Variants in C10orf90 observed in about 807,000 individuals in gnomAD.
C10orf90 encodes (E2-independent) E3 ubiquitin-conjugating enzyme FATS.
A neutral mutation model predicts 62.5 loss-of-function variants in C10orf90; 56 were observed. That is an observed-to-expected ratio of 0.90 (90% CI 0.72 to 1.12). The LOEUF (loss-of-function observed/expected upper bound fraction) is 1.12. Among genes scored for constraint, C10orf90 ranks in the 50% most tolerant of loss-of-function variants. The probability of loss-of-function intolerance (pLI) is 0.00; values close to 1 mark genes in which losing one functional copy is unlikely to be tolerated. For synonymous variants in C10orf90, 386 were observed against 340.4 expected (o/e 1.13, Z -1.47); for missense variants, 970 against 880.4 (o/e 1.10, Z -1.29).
At chr10:126,551,111 T>C (rs1257924250) in intron 2 of C10orf90, among the ~76,000 whole-genome samples, 2 of 152,244 alleles carry the variant, frequency 1.3e-5, no homozygotes, top group East Asian at 3.8e-4. Context: ...GTCCTGGATT[T>C]AAGTCCTTGG....
At chr10:126,440,620 A>G (rs1338620146) in intron 7 of C10orf90, among the ~76,000 whole-genome samples, 1 of 152,086 alleles carries the variant, frequency 6.6e-6, no homozygotes, top group Non-Finnish European at 1.5e-5. Flanking sequence ...AAAGCTAAGA[A>G]CGCTCACAGA....
intron 4 of C10orf90, among the ~76,000 whole-genome samples, chr10:126,470,692 G>T (rs1161076517): frequency 1.3e-5 from 2 of 151,802 alleles, no homozygotes; most frequent in African/African-American, 2.4e-5. Context: ...CGAGGCTGCA[G>T]TGAGCCATGA....
At chr10:126,572,930 G>T (rs1201105972) in intron 2 of C10orf90, among the ~76,000 whole-genome samples, 2 of 152,078 alleles carry the variant, frequency 1.3e-5, no homozygotes, top group Non-Finnish European at 2.9e-5. Flanking sequence ...ATATCATCAA[G>T]AAATAACCAT....
At chr10:126,512,303 G>C (rs889449170) in intron 3 of C10orf90, among the ~76,000 whole-genome samples, 1 of 150,550 alleles carries the variant, frequency 6.6e-6, no homozygotes, top group Non-Finnish European at 1.5e-5. Flanking sequence ...GTGTGTGTGT[G>C]TGTGTCTGTG....
At chr10:126,607,503 A>G (rs1292675665) in intron 2 of C10orf90, among the ~76,000 whole-genome samples, 1 of 152,238 alleles carries the variant, frequency 6.6e-6, no homozygotes, top group Non-Finnish European at 1.5e-5. Context: ...ACAACTGATA[A>G]TATGGGTTAT....
chr10:126,470,000 G>T (rs1298420817), intron 4 of C10orf90: 3 of 456,644 alleles, frequency 6.6e-6, no homozygotes, highest in East Asian at 6.9e-5. Context: ...TCTGCATGTT[G>T]TGTCCTGCAG....
intron 7 of C10orf90, among the ~76,000 whole-genome samples, chr10:126,452,161 ACAT>A (rs760901795): frequency 2.0e-5 from 3 of 152,202 alleles, no homozygotes; most frequent in African/African-American, 7.2e-5. Flanking sequence ...ATATATCAAA[ACAT>A]CATGTCATTC....
At chr10:126,615,770 G>C (rs1845528956) in intron 2 of C10orf90, among the ~76,000 whole-genome samples, 2 of 152,152 alleles carry the variant, frequency 1.3e-5, no homozygotes, top group Non-Finnish European at 2.9e-5. Context: ...ATAAGAGATG[G>C]GGAAAGGCAT....
At chr10:126,432,216 C>T (rs143835061) in intron 7 of C10orf90, among the ~76,000 whole-genome samples, 150 of 152,292 alleles carry the variant, frequency 9.8e-4, no homozygotes, top group African/African-American at 3.4e-3. Flanking sequence ...GTGAGAGGAA[C>T]ACAACTCACT....
chr10:126,479,107 G>A (rs562115969), intron 4 of C10orf90, among the ~76,000 whole-genome samples: 8 of 152,182 alleles, frequency 5.3e-5, no homozygotes, highest in African/African-American at 1.9e-4. Flanking sequence ...TGTACCGCAG[G>A]GTGTGAGGAG....
chr10:126,588,891 G>T (rs1294483044), intron 2 of C10orf90, among the ~76,000 whole-genome samples: 2 of 152,168 alleles, frequency 1.3e-5, no homozygotes, highest in Non-Finnish European at 2.9e-5. Context: ...CAGAAGGAGG[G>T]TAATAATGAA....
At chr10:126,510,060 T>C (rs904412626) in intron 3 of C10orf90, among the ~76,000 whole-genome samples, 1 of 152,216 alleles carries the variant, frequency 6.6e-6, no homozygotes, top group African/African-American at 2.4e-5. Flanking sequence ...CTGCTCCATG[T>C]CTGGGTCCTA....
At position 126,425,629 on chromosome 10, in the gene C10orf90, G is replaced by T; in HGVS notation, c.*235C>A. 1.8e-6 allele frequency: 1 copy of T among 567,346 alleles called. No homozygotes were observed. The highest frequency in any genetic ancestry group is 2.9e-5 in the East Asian group (1 of 34,594). The allele number at this position is 567,346 out of a possible 1,614,324, so 35.1% of individuals were successfully genotyped here. On this transcript the variant is annotated 3_prime_UTR_variant, in exon 10 of 10. Transcript: ENST00000488181. ...AACATTAAGGGGACTGTATCCAGTG[G>T]GTTACATGGAGGTGGTTTCCCCACA...
chr10:126,651,328 C>T (rs549335014), intron 1 of C10orf90, among the ~76,000 whole-genome samples: 2 of 152,268 alleles, frequency 1.3e-5, no homozygotes, highest in African/African-American at 4.8e-5. Context: ...GACAGCAAAA[C>T]CTTACCTGAA....
chr10:126,593,923 C>T (rs1405041141), intron 2 of C10orf90, among the ~76,000 whole-genome samples: 1 of 151,614 alleles, frequency 6.6e-6, no homozygotes, highest in Non-Finnish European at 1.5e-5. Flanking sequence ...CATGGAGGGG[C>T]AGGAAAGACT....
At chr10:126,647,185 G>T (rs188182756) in intron 1 of C10orf90, among the ~76,000 whole-genome samples, 36 of 152,310 alleles carry the variant, frequency 2.4e-4, no homozygotes, top group African/African-American at 8.4e-4. Context: ...AAAGCAGTTT[G>T]CTGAGGGTGA....
At position 126,483,091 on chromosome 10, in the gene C10orf90, C is replaced by T. The variant is rs79051271; in HGVS notation, c.1535-18105G>A. Among the ~76,000 whole-genome samples the T allele has an allele frequency of 6.1e-3, 929 of 152,306 alleles. 9 individuals carry two copies. Among genetic ancestry groups the T allele is most frequent in the African/African-American group, 0.02 (831 of 41,570 alleles). The stretch of plus-strand genomic sequence containing the variant: ...GACAGTTATAGTGTGTGAATTATAT[C>T]TCCATGAAATTGTTAACAAATGAAT... On this transcript the variant is annotated intron_variant, in intron 4 of 9. Transcript: ENST00000488181.
At chr10:126,454,430 G>A (rs1431693727) in intron 7 of C10orf90, among the ~76,000 whole-genome samples, 3 of 151,596 alleles carry the variant, frequency 2.0e-5, no homozygotes, top group Non-Finnish European at 2.9e-5. Flanking sequence ...GACCTGCAGA[G>A]GTTGTAACTT....
intron 5 of C10orf90, among the ~76,000 whole-genome samples, chr10:126,462,362 C>T (rs942691218): frequency 2.0e-5 from 3 of 152,124 alleles, no homozygotes; most frequent in East Asian, 1.9e-4. Context: ...CAGCCTCTCC[C>T]TCACTCCTCA....
Sources: allele counts gnomAD v4.1 joint callset (sites outside exome capture counted in the v4.1 genomes callset), GRCh38; gene constraint gnomAD v4.1.1; transcripts MANE v1.5; gene names NCBI Gene and HGNC (gene_info 2026-07-23, HGNC 2026-07-21).